Variants in COL7A1 observed in about 807,000 individuals in gnomAD.
COL7A1 encodes collagen type VII alpha 1 chain.
Under a neutral mutation model 456.2 loss-of-function variants are expected in COL7A1, and 296 were observed. The ratio of observed to expected loss-of-function variants is 0.65; its 90% CI spans 0.59 to 0.71. The LOEUF is 0.71. Among genes scored for constraint, COL7A1 ranks in the 30% least tolerant of loss-of-function variants. The probability of loss-of-function intolerance (pLI) is 0.00; values close to 1 mark genes in which losing one functional copy is unlikely to be tolerated. For synonymous variants in COL7A1, 1,464 were observed against 1,525.9 expected, an observed-to-expected ratio of 0.96 and a Z score of 0.95; for missense variants, 3,441 against 4,017.2, an observed-to-expected ratio of 0.86 and a Z score of 3.88.
Position 48,572,765 on chromosome 3 carries a change from C to T in COL7A1, c.6832-26G>A, listed in dbSNP as rs570353855. The T allele has an allele frequency of 7.4e-6, 12 of 1,610,922 alleles. No individual in the cohort carries two copies. Among genetic ancestry groups the T allele is most frequent in the Non-Finnish European group, 9.3e-6 (11 of 1,178,604 alleles). On this transcript the variant is annotated intron_variant, in intron 87 of 118. Coordinates refer to ENST00000681320, the MANE Select transcript of COL7A1 (RefSeq NM_000094.4). The surrounding 1 kb of genome is among the most constrained non-coding windows in gnomAD (Gnocchi z 4.6). ...CTATGGCAGAGCAGCGTGAGGAACT[C>T]AGTGCCTCTCCACCACCACCCCTGC...
chr3:48,591,707 G>A lies in COL7A1; in HGVS notation c.1473C>T (p.His491=), dbSNP rs201847088. The A allele has an allele frequency of 1.3e-5, 21 of 1,614,120 alleles. No homozygotes were observed. Among genetic ancestry groups the A allele is most frequent in the East Asian group, 4.5e-5 (2 of 44,884 alleles). The change falls in exon 12 of 119, where the codon CAC becomes CAT. Residue 491 remains histidine (H), a synonymous_variant. Transcript: ENST00000681320. This position sits in a 1 kb window ranked among gnomAD's most constrained non-coding sequence, Gnocchi z 7.0. ...RLTLYTLLEG[H]EVATPATVVP... is the part of the protein sequence containing the mutation. ...CCACGGTTGCAGGGGTGGCCACCTC[G>A]TGGCCCTCCAGCAGAGTGTAGAGTG...
chr3:48,576,647 G>T, intron 68 of COL7A1, 29 bp downstream of exon 68: 1 of 1,595,556 alleles, frequency 6.3e-7, no homozygotes. Flanking sequence ...CTAATGCTCT[G>T]AAGTCCCAGA....
At position 48,568,967 on chromosome 3, in the gene COL7A1, A is replaced by G; in HGVS notation, c.7687-112T>C. ...GCTCAAGTCACTCCCGAACGGCCCT[A>G]GCAGCACGTCCTCCCAGCCTGTGCC... On this transcript the variant is annotated intron_variant, in intron 103 of 118. Coordinates refer to ENST00000681320, the MANE Select transcript of COL7A1 (RefSeq NM_000094.4). The surrounding 1 kb of genome is among the most constrained non-coding windows in gnomAD (Gnocchi z 5.2). The G allele has an allele frequency of 9.7e-7, 1 of 1,029,932 alleles. No homozygotes were observed. The highest frequency in any genetic ancestry group is 1.4e-5 in the South Asian group (1 of 73,664). 63.8% of individuals were successfully genotyped at this position (1,029,932 alleles called of 1,614,324 possible).
chr3:48,575,827 G>GC lies in COL7A1; in HGVS notation c.5856+39dup. The GC allele has an allele frequency of 6.2e-7, 1 of 1,614,036 alleles. No homozygotes were observed. The highest frequency in any genetic ancestry group is 1.1e-5 in the South Asian group (1 of 91,090). On this transcript the variant is annotated intron_variant, in intron 72 of 118. Transcript: ENST00000681320. This position sits in a 1 kb window ranked among gnomAD's most constrained non-coding sequence, Gnocchi z 6.3. ...CCTGTGGGCACCACTAGCCCCAAGG[G>GC]CCCCCACTTGTCCCTACCCCCAGCC...
rs1471877091 is a variant in COL7A1 at position 48,593,177 on chromosome 3, T to A, written c.607A>T (p.Ile203Phe). Residue 203 changes from isoleucine (I) to phenylalanine (F), a missense_variant, in exon 6 of 119, where the codon ATC becomes TTC. Ile to Phe is a conservative substitution (Grantham distance 21). Transcript: ENST00000681320. This position sits in a 1 kb window ranked among gnomAD's most constrained non-coding sequence, Gnocchi z 4.4. Reference sequence around the variant, plus strand: ...ACGAGGGGCAGTAGTGTCCTCAAGATGCTGAAGTCATTGACGAAGAAGAAG... The same window carrying A: ...ACGAGGGGCAGTAGTGTCCTCAAGAAGCTGAAGTCATTGACGAAGAAGAAG... ...DFFFFVNDFS[I>F]LRTLLPLVSR... The A allele has an allele frequency of 6.2e-7, 1 of 1,614,006 alleles. No homozygotes were observed. Among genetic ancestry groups the A allele is most frequent in the South Asian group, 1.1e-5 (1 of 91,086 alleles).
Position 48,586,293 on chromosome 3 carries a change from C to G in COL7A1, c.3550+39G>C. The G allele has an allele frequency of 6.2e-7, 1 of 1,613,760 alleles. No individual in the cohort carries two copies. Among genetic ancestry groups the G allele is most frequent in the Non-Finnish European group, 8.5e-7 (1 of 1,180,010 alleles). On this transcript the variant is annotated intron_variant, in intron 27 of 118. Coordinates refer to ENST00000681320, the MANE Select transcript of COL7A1 (RefSeq NM_000094.4). This position sits in a 1 kb window ranked among gnomAD's most constrained non-coding sequence, Gnocchi z 5.1. ...GCATGATAGCCTTTTCAGGGCCACC[C>G]CTATTCCCAGACCCCTTCCCCATCA...
In COL7A1 at chr3:48,578,056, C is replaced by G. The variant is rs1278354061; in HGVS notation, c.5532+265G>C. ...GCGCATGCCTGTAATCCCAGTTACTCGGGAGGTTGAGGCAGGAGAATCACT... is the reference window on the plus strand; with the variant it reads ...GCGCATGCCTGTAATCCCAGTTACTGGGGAGGTTGAGGCAGGAGAATCACT... On this transcript the variant is annotated intron_variant, in intron 65 of 118. Coordinates refer to ENST00000681320, the MANE Select transcript of COL7A1 (RefSeq NM_000094.4). The surrounding 1 kb of genome is among the most constrained non-coding windows in gnomAD (Gnocchi z 4.7). 6.6e-6 allele frequency among the ~76,000 whole-genome samples: 1 copy of G among 151,946 alleles called. No homozygotes were observed. Among genetic ancestry groups the G allele is most frequent in the Non-Finnish European group, 1.5e-5 (1 of 68,008 alleles).
chr3:48,575,899 C>A lies in COL7A1; in HGVS notation c.5824G>T (p.Val1942Leu), dbSNP rs1266051715. ...LRGEPGSVPNVDRLLETAGIK... is the reference protein window; with the variant it reads ...LRGEPGSVPNLDRLLETAGIK... ...CCAGCAGTTTCCAGCAACCGATCCA[C>A]ATTCTGGGGACAAAGTCTGGGTGAA... Residue 1942 changes from valine to leucine, a missense_variant, in exon 72 of 119, where the codon GTG (valine) becomes TTG (leucine). Val to Leu is a conservative substitution (Grantham distance 32, BLOSUM62 1). Around this residue, in one of 3 missense-constraint regions of COL7A1, gnomAD observed 2,084 missense variants for 2,501.3 expected, o/e 0.83. Coordinates refer to ENST00000681320, the MANE Select transcript of COL7A1 (RefSeq NM_000094.4). This position sits in a 1 kb window ranked among gnomAD's most constrained non-coding sequence, Gnocchi z 6.3. 1 of 1,614,184 alleles carries A rather than the reference C, an allele frequency of 6.2e-7. No homozygotes were observed. The highest frequency in any genetic ancestry group is 2.2e-5 in the East Asian group (1 of 44,882).
chr3:48,585,177 G>A lies in COL7A1; in HGVS notation c.3895-61C>T. ...CTCCCCCAAGGCCCCTGGTTTGCTGGAGGGGCCTCACCCCATCAACAAGGG... is the reference window on the plus strand; with the variant it reads ...CTCCCCCAAGGCCCCTGGTTTGCTGAAGGGGCCTCACCCCATCAACAAGGG... On this transcript the variant is annotated intron_variant, in intron 32 of 118. Coordinates refer to ENST00000681320, the MANE Select transcript of COL7A1 (RefSeq NM_000094.4). The surrounding 1 kb of genome is among the most constrained non-coding windows in gnomAD (Gnocchi z 4.5). 1 of 1,546,062 alleles carries A rather than the reference G, an allele frequency of 6.5e-7. No homozygotes were observed. The highest frequency in any genetic ancestry group is 8.8e-7 in the Non-Finnish European group (1 of 1,130,132).
chr3:48,572,943 C>A lies in COL7A1; in HGVS notation c.6751-1G>T, dbSNP rs1420754603. The A allele has an allele frequency of 1.9e-6, 3 of 1,614,024 alleles. No individual in the cohort carries two copies. Among genetic ancestry groups the A allele is most frequent in the Admixed American group, 1.7e-5 (1 of 60,024 alleles). ...GGGCTCCCGGCTTCCCTGTCTCCCCCTGAGAGGGAAGAGCTCTGTCAGGGC... is the reference window on the plus strand; with the variant it reads ...GGGCTCCCGGCTTCCCTGTCTCCCCATGAGAGGGAAGAGCTCTGTCAGGGC... On this transcript the variant is annotated splice_acceptor_variant, in intron 86 of 118. Transcript: ENST00000681320. LOFTEE classifies it high-confidence loss of function. The surrounding 1 kb of genome is among the most constrained non-coding windows in gnomAD (Gnocchi z 4.6).
chr3:48,595,209 C>T, intron 1 of COL7A1, 49 bp from the exon 2 acceptor site: 1 of 1,486,434 alleles, frequency 6.7e-7, no homozygotes, highest in Non-Finnish European at 9.2e-7. Context: ...GTCCCTTGCT[C>T]CCCCGTGGCC....
At position 48,564,474 on chromosome 3, in the gene COL7A1, A is replaced by G. The variant is rs754484769; in HGVS notation, c.8819-52T>C. The G allele has an allele frequency of 4.3e-6, 7 of 1,610,122 alleles. No homozygotes were observed. The highest frequency in any genetic ancestry group is 5.9e-6 in the Non-Finnish European group (7 of 1,177,642). ...GTCAGCCATCTGACCTTCCCCGGAG[A>G]CGCTCAGGCAGAGGCACCGCCAAGG... On this transcript the variant is annotated intron_variant, in intron 118 of 118. Transcript: ENST00000681320. The surrounding 1 kb of genome is among the most constrained non-coding windows in gnomAD (Gnocchi z 6.0).
rs2044838446 is a variant in COL7A1 at position 48,582,515 on chromosome 3, T to C, written c.4564-2A>G. On this transcript the variant is annotated splice_acceptor_variant, in intron 45 of 118. Coordinates refer to ENST00000681320, the MANE Select transcript of COL7A1 (RefSeq NM_000094.4). LOFTEE classifies it high-confidence loss of function. Reference sequence around the variant, plus strand: ...GCGGCCAGTGGGTCCTGGTGGCCCCTGAATGTAGAGAAAGTGTGAGCCCAG... The same window carrying C: ...GCGGCCAGTGGGTCCTGGTGGCCCCCGAATGTAGAGAAAGTGTGAGCCCAG... The C allele has an allele frequency of 6.2e-7, 1 of 1,613,650 alleles. No homozygotes were observed. Among genetic ancestry groups the C allele is most frequent in the Non-Finnish European group, 8.5e-7 (1 of 1,179,970 alleles).
rs1041019258 is a variant in COL7A1, at chr3:48,578,193, C to T, written c.5532+128G>A. Reference sequence around the variant, plus strand: ...AAAAAAAAAACTATGTTTCTGGATGCATCTGTATGTCTGGGCCAGGATGCA... The same window carrying T: ...AAAAAAAAAACTATGTTTCTGGATGTATCTGTATGTCTGGGCCAGGATGCA... On this transcript the variant is annotated intron_variant, in intron 65 of 118. Transcript: ENST00000681320. This position sits in a 1 kb window ranked among gnomAD's most constrained non-coding sequence, Gnocchi z 4.7. 2 of 1,052,644 alleles carry T rather than the reference C, an allele frequency of 1.9e-6. No homozygotes were observed. The highest frequency in any genetic ancestry group is 4.1e-5 in the Admixed American group (2 of 48,642). 65.2% of individuals were successfully genotyped at this position (1,052,644 alleles called of 1,614,324 possible).
Position 48,575,312 on chromosome 3 carries a change from A to ACTCTCCTGGCCAGCCCCCAGCCTCACCCT in COL7A1, c.6178_6180+26dup, listed in dbSNP as rs758925670. 8.0e-7 allele frequency: 1 copy of ACTCTCCTGGCCAGCCCCCAGCCTCACCCT among 1,254,278 alleles called. No individual in the cohort carries two copies. Among genetic ancestry groups the ACTCTCCTGGCCAGCCCCCAGCCTCACCCT allele is most frequent in the Non-Finnish European group, 1.1e-6 (1 of 922,872 alleles). The allele number at this position is 1,254,278 out of a possible 1,614,324, so 77.7% of individuals were successfully genotyped here. A position where few individuals can be genotyped will look rare whatever the true frequency, so the allele number is the denominator to read the frequency against. ...CACCCCTCCCAACCCCTCTTCCCTCACTCTCCTGGCCAGCCCCCAGCCTCA... is the reference window on the plus strand; with the variant it reads ...CACCCCTCCCAACCCCTCTTCCCTCACTCTCCTGGCCAGCCCCCAGCCTCACCCTCTCTCCTGGCCAGCCCCCAGCCTCA... On this transcript the variant is annotated intron_variant, in intron 74 of 118. Coordinates refer to ENST00000681320, the MANE Select transcript of COL7A1 (RefSeq NM_000094.4). This position sits in a 1 kb window ranked among gnomAD's most constrained non-coding sequence, Gnocchi z 6.3.
Position 48,579,028 on chromosome 3 carries a change from G to A in COL7A1, c.5389-74C>T. On this transcript the variant is annotated intron_variant, in intron 62 of 118. Transcript: ENST00000681320. This position sits in a 1 kb window ranked among gnomAD's most constrained non-coding sequence, Gnocchi z 4.4. The stretch of plus-strand genomic sequence containing the variant: ...TCTAGTCCCTGTGAGCCTAAGGCCT[G>A]CATGGCAAGAACATGCCCCACCCAG... The A allele has an allele frequency of 6.3e-7, 1 of 1,597,274 alleles. No homozygotes were observed.
Position 48,581,406 on chromosome 3 carries a change from A to C in COL7A1, c.4818+42T>G, listed in dbSNP as rs750087961. 1 of 1,613,532 alleles carries C rather than the reference A, an allele frequency of 6.2e-7. No individual in the cohort carries two copies. The highest frequency in any genetic ancestry group is 1.1e-5 in the South Asian group (1 of 91,070). On this transcript the variant is annotated intron_variant, in intron 51 of 118. Coordinates refer to ENST00000681320, the MANE Select transcript of COL7A1 (RefSeq NM_000094.4). This position sits in a 1 kb window ranked among gnomAD's most constrained non-coding sequence, Gnocchi z 5.8. Reference sequence around the variant, plus strand: ...AGCAAGCAGTTCTCAAGGGGAGGGGACCCCAGAAGCCTTGAGGTTGCCCAG... The same window carrying C: ...AGCAAGCAGTTCTCAAGGGGAGGGGCCCCCAGAAGCCTTGAGGTTGCCCAG...
chr3:48,564,615 G>T lies in COL7A1; in HGVS notation c.8818+168C>A. 3 of 1,023,684 alleles carry T rather than the reference G, an allele frequency of 2.9e-6. No individual in the cohort carries two copies. The highest frequency in any genetic ancestry group is 4.4e-6 in the Non-Finnish European group (3 of 689,608). The allele number at this position is 1,023,684 out of a possible 1,614,324, so 63.4% of individuals were successfully genotyped here. A position where few individuals can be genotyped will look rare whatever the true frequency, so the allele number is the denominator to read the frequency against. On this transcript the variant is annotated intron_variant, in intron 118 of 118. Coordinates refer to ENST00000681320, the MANE Select transcript of COL7A1 (RefSeq NM_000094.4). This position sits in a 1 kb window ranked among gnomAD's most constrained non-coding sequence, Gnocchi z 6.0. ...CCCTACTGGGGGCTCCACGGCTGGG[G>T]CTCTATATTCAGCTCTTTGGTCTGG...
Position 48,566,154 on chromosome 3 carries a change from T to C in COL7A1, c.8407+113A>G. 2 of 1,121,560 alleles carry C rather than the reference T, an allele frequency of 1.8e-6. No homozygotes were observed. Among genetic ancestry groups the C allele is most frequent in the Non-Finnish European group, 2.6e-6 (2 of 758,698 alleles). 69.5% of individuals were successfully genotyped at this position (1,121,560 alleles called of 1,614,324 possible). On this transcript the variant is annotated intron_variant, in intron 114 of 118. Coordinates refer to ENST00000681320, the MANE Select transcript of COL7A1 (RefSeq NM_000094.4). This position sits in a 1 kb window ranked among gnomAD's most constrained non-coding sequence, Gnocchi z 5.9. ...TGCAGCACATGTGTCCTTCTGTGTA[T>C]CCATCCATCCCCCCATCTTCTTGAC...
Sources: allele counts gnomAD v4.1 joint callset (sites outside exome capture counted in the v4.1 genomes callset), GRCh38; gene constraint gnomAD v4.1.1; regional missense constraint gnomAD v4.1.1; non-coding constraint Gnocchi (gnomAD v3.1); transcripts MANE v1.5; gene names NCBI Gene and HGNC (gene_info 2026-07-23, HGNC 2026-07-21).